Variants in LINGO2 observed in about 807,000 individuals in gnomAD.
LINGO2 encodes the protein leucine rich repeat and Ig domain containing 2.
Under a neutral mutation model 30.6 loss-of-function variants are expected in LINGO2, and 14 were observed. The ratio of observed to expected loss-of-function variants is 0.46; its 90% CI spans 0.30 to 0.72. The LOEUF (loss-of-function observed/expected upper bound fraction) is 0.72. LINGO2 is among the 30% of genes least tolerant of loss of function. The probability of loss-of-function intolerance (pLI) is 0.07; values close to 1 mark genes in which losing one functional copy is unlikely to be tolerated. For missense variants in LINGO2, 729 were observed against 751.7 expected, an observed-to-expected ratio of 0.97 and a Z score of 0.35; for synonymous variants, 317 against 288.5, an observed-to-expected ratio of 1.10 and a Z score of -1.00.
At chr9:28,055,648 G>T (rs1325832762) in intron 4 of LINGO2, among the ~76,000 whole-genome samples, 1 of 151,354 alleles carries the variant, frequency 6.6e-6, no homozygotes, top group Non-Finnish European at 1.5e-5. Flanking sequence ...TTGCTATTAA[G>T]TTTGTTAGGT....
chr9:28,161,298 G>C, intron 4 of LINGO2, among the ~76,000 whole-genome samples: 1 of 152,156 alleles, frequency 6.6e-6, no homozygotes, highest in East Asian at 1.9e-4. Flanking sequence ...AAGATATTTG[G>C]ATGTATAATG....
Position 27,986,794 on chromosome 9 carries a change from T to G in LINGO2, c.-36+25561A>C, listed in dbSNP as rs1821146002. On this transcript the variant is annotated intron_variant, in intron 5 of 5. Transcript: ENST00000379992. ...ATGGTAACGGTCATTTGTGACATAATGCTTAAGACTGGCCAAACGAGCTGG... is the reference window on the plus strand; with the variant it reads ...ATGGTAACGGTCATTTGTGACATAAGGCTTAAGACTGGCCAAACGAGCTGG... Among the ~76,000 whole-genome samples the G allele has an allele frequency of 1.3e-5, 2 of 151,844 alleles. 1 individual carries two copies. Among genetic ancestry groups the G allele is most frequent in the South Asian group, 4.1e-4 (2 of 4,820 alleles).
At chr9:28,661,145 A>T (rs1451711462) in intron 1 of LINGO2, among the ~76,000 whole-genome samples, 5 of 150,162 alleles carry the variant, frequency 3.3e-5, no homozygotes, top group African/African-American at 9.7e-5. Context: ...GATGCAGAAA[A>T]ATATATATAT....
chr9:28,053,255 G>A (rs948747747), intron 4 of LINGO2, among the ~76,000 whole-genome samples: 1 of 152,074 alleles, frequency 6.6e-6, no homozygotes, highest in African/African-American at 2.4e-5. Context: ...GACAAGGAGA[G>A]AGAGGGGCTC....
At chr9:28,913,104 C>T in the LINGO2 span, among the ~76,000 whole-genome samples, 2 of 152,044 alleles carry the variant, frequency 1.3e-5, no homozygotes, top group Admixed American at 1.3e-4. Flanking sequence ...CAATAATTAT[C>T]TTTTTCTTTC....
chr9:28,505,254 C>A (rs1820062566), intron 1 of LINGO2, among the ~76,000 whole-genome samples: 2 of 151,612 alleles, frequency 1.3e-5, no homozygotes, highest in Admixed American at 1.3e-4. Flanking sequence ...TTTCATGGAA[C>A]AAAGGAGACT....
At chr9:28,195,619 A>AT in intron 4 of LINGO2, among the ~76,000 whole-genome samples, 1 of 151,480 alleles carries the variant, frequency 6.6e-6, no homozygotes, top group East Asian at 1.9e-4. Context: ...GAAACAGATG[A>AT]TTTTCTAAGA....
At position 28,050,810 on chromosome 9, in the gene LINGO2, TCA is replaced by T. The variant is rs891604457; in HGVS notation, c.-86-38407_-86-38406del. Among the ~76,000 whole-genome samples, 23 of 151,034 alleles carry T rather than the reference TCA, an allele frequency of 1.5e-4. 1 individual carries two copies. Among genetic ancestry groups the T allele is most frequent in the African/African-American group, 5.4e-4 (22 of 40,946 alleles). The stretch of plus-strand genomic sequence containing the variant: ...ATTCATACATGTTGATATAATGCAT[TCA>T]CATAGAGGAATAACATGTGTAAGTG... On this transcript the variant is annotated intron_variant, in intron 4 of 5. Transcript: ENST00000379992.
chr9:28,735,861 A>G, the LINGO2 span, among the ~76,000 whole-genome samples: 7 of 152,184 alleles, frequency 4.6e-5, no homozygotes, highest in African/African-American at 1.4e-4. Flanking sequence ...ACCTATCACA[A>G]TGACACAGGG....
chr9:28,174,679 A>T (rs1479070691), intron 4 of LINGO2, among the ~76,000 whole-genome samples: 2 of 152,194 alleles, frequency 1.3e-5, no homozygotes, highest in African/African-American at 4.8e-5. Context: ...CCATTGTGAT[A>T]TACATCACAC....
chr9:28,128,172 C>G (rs1827291667), intron 4 of LINGO2, among the ~76,000 whole-genome samples: 3 of 152,140 alleles, frequency 2.0e-5, no homozygotes, highest in African/African-American at 7.2e-5. Context: ...CCCTTTATTT[C>G]ACAGAAGAAG....
intron 4 of LINGO2, among the ~76,000 whole-genome samples, chr9:28,185,595 T>C (rs151220898): frequency 1.3e-5 from 2 of 152,302 alleles, no homozygotes; most frequent in African/African-American, 4.8e-5. Flanking sequence ...ACTCCCACTT[T>C]TCACTATTTG....
chr9:28,306,535 A>G (rs1306124220), intron 3 of LINGO2, among the ~76,000 whole-genome samples: 2 of 152,098 alleles, frequency 1.3e-5, no homozygotes, highest in Admixed American at 6.6e-5. Flanking sequence ...AAGCAAGAGC[A>G]AACACATTCA....
At chr9:29,010,119 A>T in the LINGO2 span, among the ~76,000 whole-genome samples, 8 of 152,136 alleles carry the variant, frequency 5.3e-5, no homozygotes, top group Non-Finnish European at 1.0e-4. Context: ...ACACAGGCAT[A>T]GGCAAGGACT....
intron 2 of LINGO2, among the ~76,000 whole-genome samples, chr9:28,447,419 A>G (rs1824467779): frequency 6.6e-6 from 1 of 152,196 alleles, no homozygotes; most frequent in East Asian, 1.9e-4. Flanking sequence ...AGCCATCACC[A>G]GACATGGAAT....
At chr9:28,498,503 G>T (rs1819750498) in intron 1 of LINGO2, among the ~76,000 whole-genome samples, 1 of 152,168 alleles carries the variant, frequency 6.6e-6, no homozygotes, top group Non-Finnish European at 1.5e-5. Flanking sequence ...TAAGACCATT[G>T]GAAAGGACAG....
chr9:28,192,965 A>C (rs2133782721), intron 4 of LINGO2, among the ~76,000 whole-genome samples: 1 of 152,278 alleles, frequency 6.6e-6, no homozygotes, highest in African/African-American at 2.4e-5. Flanking sequence ...TTAAGAGAAG[A>C]GATAATTGGG....
chr9:28,036,851 G>C (rs902873176), intron 4 of LINGO2, among the ~76,000 whole-genome samples: 1 of 152,178 alleles, frequency 6.6e-6, no homozygotes, highest in Admixed American at 6.5e-5. Context: ...ACTATTTCTA[G>C]ACACAGAAAA....
At chr9:28,372,246 AG>A (rs2134575721) in intron 3 of LINGO2, among the ~76,000 whole-genome samples, 1 of 152,326 alleles carries the variant, frequency 6.6e-6, no homozygotes, top group Non-Finnish European at 1.5e-5. Flanking sequence ...TCCATGAGTG[AG>A]GAAAATAAAA....
Sources: allele counts gnomAD v4.1 joint callset (sites outside exome capture counted in the v4.1 genomes callset), GRCh38; gene constraint gnomAD v4.1.1; transcripts MANE v1.5; gene names NCBI Gene and HGNC (gene_info 2026-07-23, HGNC 2026-07-21).